Variants in PADI3 observed in about 807,000 individuals in gnomAD.
The protein encoded by PADI3 is protein-arginine deiminase type-3.
PADI3 carries 53 observed loss-of-function variants against 71.5 expected under a neutral mutation model. The observed-to-expected ratio is 0.74, with a 90% CI of 0.59 to 0.93. PADI3 has a LOEUF of 0.93. Among genes scored for constraint, PADI3 ranks in the 40% least tolerant of loss-of-function variants. The probability of loss-of-function intolerance (pLI) is 0.00; values close to 1 mark genes in which losing one functional copy is unlikely to be tolerated. For synonymous variants in PADI3, 361 were observed against 347.5 expected (o/e 1.04, Z -0.43); for missense variants, 821 against 868.0 (o/e 0.95, Z 0.68).
intron 1 of PADI3, among the ~76,000 whole-genome samples, chr1:17,256,744 G>A (rs976557784): frequency 2.0e-5 from 3 of 152,188 alleles, no homozygotes; most frequent in Non-Finnish European, 4.4e-5. Flanking sequence ...CATAAAAAGT[G>A]TACAGGCTTC....
Position 17,267,870 on chromosome 1 carries a change from C to A in PADI3, c.560C>A (p.Thr187Lys). Reference protein sequence around the residue: ...LEDMSVMVLRTQGPAALFDDH... With the variant: ...LEDMSVMVLRKQGPAALFDDH... ...GACATGTCTGTCATGGTCCTGCGGACGCAGGGCCCTGCAGCCCTCTTTGAT... is the reference window on the plus strand; with the variant it reads ...GACATGTCTGTCATGGTCCTGCGGAAGCAGGGCCCTGCAGCCCTCTTTGAT... The change falls in exon 6 of 16, where the codon ACG (threonine) becomes AAG (lysine). Residue 187 changes from threonine (T) to lysine (K), a missense_variant. Thr to Lys is a moderately conservative substitution (Grantham distance 78). Transcript: ENST00000375460. 1 of 1,614,106 alleles carries A rather than the reference C, an allele frequency of 6.2e-7. No individual in the cohort carries two copies. The highest frequency in any genetic ancestry group is 1.3e-5 in the African/African-American group (1 of 75,078).
chr1:17,251,564 G>A (rs1279339125), intron 1 of PADI3, among the ~76,000 whole-genome samples: 1 of 152,180 alleles, frequency 6.6e-6, no homozygotes, highest in Non-Finnish European at 1.5e-5. Context: ...TCTCAAGTGG[G>A]CACTGTCATC....
intron 9 of PADI3, among the ~76,000 whole-genome samples, chr1:17,271,833 C>T (rs1408677668): frequency 8.2e-5 from 1 of 12,266 alleles, no homozygotes; most frequent in Non-Finnish European, 1.9e-4. Flanking sequence ...TCAGCAACAA[C>T]AACAAAAAAA....
intron 1 of PADI3, among the ~76,000 whole-genome samples, chr1:17,255,388 G>A (rs796631837): frequency 1.2e-4 from 18 of 152,282 alleles, no homozygotes; most frequent in African/African-American, 3.8e-4. Context: ...CCCTGGACAG[G>A]CCTGTGCATG....
chr1:17,280,767 A>T lies in PADI3; in HGVS notation c.1732A>T (p.Lys578Ter). 1.2e-6 allele frequency: 2 copies of T among 1,614,078 alleles called. No individual in the cohort carries two copies. Among genetic ancestry groups the T allele is most frequent in the Non-Finnish European group, 1.7e-6 (2 of 1,179,962 alleles). ...DIPQLFKTERKKATAFFPDLV... is the reference protein window; with the variant it reads ...DIPQLFKTER ...CCCACAGCTCTTCAAGACCGAGAGG[A>T]AAAAAGCAACGGCCTTCTTCCCTGA... The change falls in exon 15 of 16, where the codon AAA becomes TAA. Residue 578 changes from lysine to a stop codon, truncating the protein, a stop_gained. Coordinates refer to ENST00000375460, the MANE Select transcript of PADI3 (RefSeq NM_016233.2). LOFTEE classifies it high-confidence loss of function.
chr1:17,270,814 C>A, intron 7 of PADI3, 65 bp from the exon 8 acceptor site: 2 of 1,137,102 alleles, frequency 1.8e-6, no homozygotes, highest in Non-Finnish European at 2.7e-6. Flanking sequence ...GTGGTGGAAT[C>A]AGAGTCCCCC....
At chr1:17,281,297 GA>G (rs1181308092) in intron 15 of PADI3, among the ~76,000 whole-genome samples, 1 of 152,226 alleles carries the variant, frequency 6.6e-6, no homozygotes, top group Non-Finnish European at 1.5e-5. Flanking sequence ...TATTTTGTAG[GA>G]TAAGGCGATG....
At chr1:17,272,305 A>G (rs929780491) in intron 9 of PADI3, among the ~76,000 whole-genome samples, 2 of 152,026 alleles carry the variant, frequency 1.3e-5, no homozygotes, top group African/African-American at 4.8e-5. Context: ...GAGAAAGGCA[A>G]GGGTTGAGGT....
intron 1 of PADI3, among the ~76,000 whole-genome samples, chr1:17,254,027 G>C (rs145654395): frequency 3.9e-5 from 6 of 152,328 alleles, no homozygotes; most frequent in African/African-American, 1.4e-4. Flanking sequence ...CCTGTGCAGA[G>C]AGCTGGGCCC....
intron 9 of PADI3, among the ~76,000 whole-genome samples, chr1:17,271,981 G>C (rs369848447): frequency 3.8e-4 from 58 of 152,228 alleles, no homozygotes; most frequent in African/African-American, 1.1e-3. Context: ...CCAGGAGGGA[G>C]AGCATCTGAG....
At chr1:17,249,682 G>C (rs1233299202) in intron 1 of PADI3, among the ~76,000 whole-genome samples, 1 of 152,184 alleles carries the variant, frequency 6.6e-6, no homozygotes, top group Non-Finnish European at 1.5e-5. Flanking sequence ...CATGTGCCAG[G>C]CACTATTCTA....
chr1:17,279,727 T>C (rs2073378152), intron 13 of PADI3, among the ~76,000 whole-genome samples: 2 of 152,160 alleles, frequency 1.3e-5, no homozygotes, highest in Admixed American at 1.3e-4. Context: ...ACCTGGGCAC[T>C]CCCCTCGGGG....
At chr1:17,265,603 C>A in intron 3 of PADI3, 56 bp from the exon 4 acceptor site, 1 of 1,496,326 alleles carries the variant, frequency 6.7e-7, no homozygotes, top group Non-Finnish European at 9.3e-7. Flanking sequence ...GAGATCAAGG[C>A]CTGCCCTGGG....
intron 1 of PADI3, among the ~76,000 whole-genome samples, chr1:17,253,357 G>A (rs1296683963): frequency 1.3e-5 from 2 of 152,236 alleles, no homozygotes; most frequent in Non-Finnish European, 2.9e-5. Context: ...AGCTGAGTCT[G>A]TTCTCTAAGA....
At chr1:17,249,567 A>G (rs544449076) in intron 1 of PADI3, among the ~76,000 whole-genome samples, 1 of 152,202 alleles carries the variant, frequency 6.6e-6, no homozygotes, top group African/African-American at 2.4e-5. Flanking sequence ...TCTGGGGCAC[A>G]CAAGAATAGG....
rs2073230857 is a variant in PADI3, at chr1:17,270,382, C to T, written c.802C>T (p.His268Tyr). 2 of 1,613,592 alleles carry T rather than the reference C, an allele frequency of 1.2e-6. No homozygotes were observed. The highest frequency in any genetic ancestry group is 2.7e-5 in the African/African-American group (2 of 74,782). Residue 268 changes from histidine to tyrosine, a missense_variant, in exon 7 of 16, where the codon CAT becomes TAT. Coordinates refer to ENST00000375460, the MANE Select transcript of PADI3 (RefSeq NM_016233.2). ...CGGCTTCACAGGACTCATCTCCTTC[C>T]ATGTCACTCTGCTGGACGACTCCAA... ...DAGFTGLISF[H>Y]VTLLDDSNED...
Position 17,249,193 on chromosome 1 carries a change from G to T in PADI3, c.56G>T (p.Cys19Phe), listed in dbSNP as rs774349106. 2 of 1,614,210 alleles carry T rather than the reference G, an allele frequency of 1.2e-6. No homozygotes were observed. Among genetic ancestry groups the T allele is most frequent in the Non-Finnish European group, 1.7e-6 (2 of 1,180,032 alleles). Residue 19 changes from cysteine to phenylalanine, a missense_variant, in exon 1 of 16, where the codon TGT (cysteine) becomes TTT (phenylalanine). Transcript: ENST00000375460. ...VSLEHPTSAV[C>F]VAGVETLVDI... ...CTGGAGCATCCCACCAGCGCGGTGTGTGTGGCTGGCGTGGAGACCCTCGTG... is the reference window on the plus strand; with the variant it reads ...CTGGAGCATCCCACCAGCGCGGTGTTTGTGGCTGGCGTGGAGACCCTCGTG...
chr1:17,266,660 G>A, intron 4 of PADI3, 59 bp from the exon 5 acceptor site: 1 of 1,442,876 alleles, frequency 6.9e-7, no homozygotes, highest in Non-Finnish European at 9.8e-7. Context: ...GGGTTCCTGG[G>A]TAGGGAGGCA....
chr1:17,252,400 C>T (rs67219094), intron 1 of PADI3, among the ~76,000 whole-genome samples: 4,156 of 118,922 alleles, frequency 0.035, 216 homozygotes, highest in African/African-American at 0.12. Flanking sequence ...TTTTCTTCTT[C>T]TTTTTTTTTT....
Sources: gnomAD v4.1 joint callset for allele counts (sites outside exome capture counted in the v4.1 genomes callset) on GRCh38, gnomAD v4.1.1 for gene constraint, MANE v1.5 for transcripts, NCBI Gene and HGNC (gene_info 2026-07-23, HGNC 2026-07-21) for gene names.